ATRNL1: variants seen among roughly 807,000 people sequenced by gnomAD.
ATRNL1 encodes the protein attractin like 1.
A neutral mutation model predicts 182.7 loss-of-function variants in ATRNL1; 95 were observed. The observed-to-expected ratio is 0.52, with a 90% CI of 0.44 to 0.62. ATRNL1 has a LOEUF of 0.62. Ranked by LOEUF, ATRNL1 falls within the 20% of genes least tolerant of loss-of-function variation. The pLI is 0.00. For missense variants in ATRNL1, 1,471 were observed against 1,679.5 expected (o/e 0.88, Z 2.17); for synonymous variants, 576 against 568.3 (o/e 1.01, Z -0.19).
intron 26 of ATRNL1, among the ~76,000 whole-genome samples, chr10:115,644,753 G>C (rs1329042624): frequency 6.6e-6 from 1 of 152,122 alleles, no homozygotes; most frequent in Non-Finnish European, 1.5e-5. Flanking sequence ...CTCCTCATCT[G>C]TATACATACT....
intron 19 of ATRNL1, among the ~76,000 whole-genome samples, chr10:115,384,155 A>G (rs1044386148): frequency 3.3e-5 from 5 of 152,016 alleles, no homozygotes; most frequent in African/African-American, 1.2e-4. Flanking sequence ...AATGAAAGTA[A>G]ATATATTAAC....
intron 26 of ATRNL1, among the ~76,000 whole-genome samples, chr10:115,660,952 AAG>A (rs1320061475): frequency 6.6e-6 from 1 of 152,090 alleles, no homozygotes; most frequent in Non-Finnish European, 1.5e-5. Flanking sequence ...GAGTGGATTA[AAG>A]GTATAGGGAA....
Position 115,600,380 on chromosome 10 carries a change from G to C in ATRNL1, c.3795+50844G>C, listed in dbSNP as rs145223026. On this transcript the variant is annotated intron_variant, in intron 26 of 28. Coordinates refer to ENST00000355044, the MANE Select transcript of ATRNL1 (RefSeq NM_207303.4). ...CACATTTCACCTATTCCATGTGAGA[G>C]TTCCAGTTTCTCCGCATCCTTGCCA... Among the ~76,000 whole-genome samples the C allele has an allele frequency of 4.4e-3, 671 of 152,248 alleles. 2 individuals are homozygous for C. The highest frequency in any genetic ancestry group is 0.014 in the Middle Eastern group (4 of 294).
chr10:115,240,366 C>T (rs546325442), intron 9 of ATRNL1, among the ~76,000 whole-genome samples: 1 of 152,062 alleles, frequency 6.6e-6, no homozygotes, highest in Non-Finnish European at 1.5e-5. Context: ...ATTCTCCTGC[C>T]TCAGCCTCCC....
At chr10:115,719,270 G>A (rs1947347122) in intron 26 of ATRNL1, among the ~76,000 whole-genome samples, 1 of 152,160 alleles carries the variant, frequency 6.6e-6, no homozygotes, top group Admixed American at 6.5e-5. Context: ...AATGCATGAA[G>A]ACATGTGCCA....
chr10:115,552,095 C>T (rs549596097), intron 26 of ATRNL1, among the ~76,000 whole-genome samples: 8 of 151,430 alleles, frequency 5.3e-5, no homozygotes, highest in African/African-American at 1.9e-4. Context: ...CAGTTTTAGG[C>T]ATCCTCTGGG....
chr10:115,868,971 A>G (rs1951510547), intron 28 of ATRNL1, among the ~76,000 whole-genome samples: 2 of 151,644 alleles, frequency 1.3e-5, no homozygotes, highest in South Asian at 4.2e-4. Context: ...CTGGGAGTAC[A>G]GGCGCCCGCC....
Position 115,093,666 on chromosome 10 carries a change from G to A in ATRNL1, c.-85G>A. The A allele has an allele frequency of 2.2e-6, 3 of 1,381,336 alleles. No individual in the cohort carries two copies. The highest frequency in any genetic ancestry group is 1.3e-5 in the South Asian group (1 of 77,438). The allele number at this position is 1,381,336 out of a possible 1,614,324, so 85.6% of individuals were successfully genotyped here. Reference sequence around the variant, plus strand: ...GGAGGAGGAGAAGCGGCGGCGGAGAGGTTTTCTGCGGCCGGAATTCCCTTC... The same window carrying A: ...GGAGGAGGAGAAGCGGCGGCGGAGAAGTTTTCTGCGGCCGGAATTCCCTTC... On this transcript the variant is annotated 5_prime_UTR_variant, in exon 1 of 29. Transcript: ENST00000355044. This position sits in a 1 kb window ranked among gnomAD's most constrained non-coding sequence, Gnocchi z 6.1.
At position 115,883,553 on chromosome 10, in the gene ATRNL1, G is replaced by A. The variant is rs138483002; in HGVS notation, c.4018+35562G>A. ...TACATGGGTATGGTATACCGTAATG[G>A]AATAAACTACTGCTACATGCAGCAA... On this transcript the variant is annotated intron_variant, in intron 28 of 28. Transcript: ENST00000355044. Among the ~76,000 whole-genome samples, 646 of 152,366 alleles carry A rather than the reference G, an allele frequency of 4.2e-3. 2 individuals carry two copies. Among genetic ancestry groups the A allele is most frequent in the African/African-American group, 0.014 (576 of 41,578 alleles).
At chr10:115,875,669 T>C (rs748500222) in intron 28 of ATRNL1, among the ~76,000 whole-genome samples, 3 of 152,250 alleles carry the variant, frequency 2.0e-5, no homozygotes, top group Non-Finnish European at 4.4e-5. Flanking sequence ...TTTACTTGTA[T>C]GTATTGAGCA....
intron 20 of ATRNL1, among the ~76,000 whole-genome samples, chr10:115,398,895 C>T (rs1554956247): frequency 6.6e-6 from 1 of 151,910 alleles, no homozygotes. Flanking sequence ...ACCTAATTTG[C>T]TGAGAGTTTT....
At chr10:115,558,045 A>C (rs1277390091) in intron 26 of ATRNL1, among the ~76,000 whole-genome samples, 10 of 85,938 alleles carry the variant, frequency 1.2e-4, no homozygotes, top group Admixed American at 9.7e-5. Context: ...CTCCATCTCA[A>C]AAACAAAAAA....
rs77795080 is a variant in ATRNL1, at chr10:115,449,317, G to A, written c.3323-12624G>A. Among the ~76,000 whole-genome samples, 363 of 152,232 alleles carry A rather than the reference G, an allele frequency of 2.4e-3. 11 individuals are homozygous for A. The East Asian group carries it at 0.065, about 27-fold the overall frequency. ...GGATGGCTTGACGGGGAATATCAGA[G>A]GAGAGCTTGGCTGGGGAGAGCAAGA... is the stretch of plus-strand genomic sequence containing the variant. On this transcript the variant is annotated intron_variant, in intron 21 of 28. Transcript: ENST00000355044.
intron 24 of ATRNL1, among the ~76,000 whole-genome samples, chr10:115,499,826 T>C (rs1275034360): frequency 1.3e-5 from 2 of 152,208 alleles, no homozygotes; most frequent in Non-Finnish European, 2.9e-5. Context: ...CCCAGCTTGA[T>C]TTTTCCCTGT....
chr10:115,621,315 T>TGAGAGA (rs1347324012), intron 26 of ATRNL1, among the ~76,000 whole-genome samples: 1 of 90,036 alleles, frequency 1.1e-5, no homozygotes, highest in African/African-American at 4.1e-5. Flanking sequence ...AGAGAGAGAG[T>TGAGAGA]GTGTGAGTGA....
At chr10:115,306,552 A>G (rs1001968607) in intron 17 of ATRNL1, among the ~76,000 whole-genome samples, 1 of 151,934 alleles carries the variant, frequency 6.6e-6, no homozygotes. Flanking sequence ...GAAGAAAAGG[A>G]TTTTTAGATT....
At chr10:115,837,729 A>G (rs1216065375) in intron 27 of ATRNL1, among the ~76,000 whole-genome samples, 1 of 152,150 alleles carries the variant, frequency 6.6e-6, no homozygotes, top group African/African-American at 2.4e-5. Context: ...TAGACCAGAC[A>G]CTAGAATACT....
intron 5 of ATRNL1, among the ~76,000 whole-genome samples, chr10:115,156,824 A>C (rs1275646794): frequency 2.0e-5 from 3 of 152,132 alleles, no homozygotes. Flanking sequence ...GAAGTGGTAG[A>C]ATAATTTTTA....
intron 26 of ATRNL1, among the ~76,000 whole-genome samples, chr10:115,591,922 A>T (rs1855932764): frequency 6.6e-6 from 1 of 152,234 alleles, no homozygotes; most frequent in Non-Finnish European, 1.5e-5. Flanking sequence ...GTGTCAACCT[A>T]GGTGCCCATT....
Sources: gnomAD v4.1 joint callset for allele counts (sites outside exome capture counted in the v4.1 genomes callset) on GRCh38, gnomAD v4.1.1 for gene constraint, Gnocchi (gnomAD v3.1) non-coding constraint, MANE v1.5 for transcripts, NCBI Gene and HGNC (gene_info 2026-07-23, HGNC 2026-07-21) for gene names.